ZNF618: variants seen among roughly 807,000 people sequenced by gnomAD.
ZNF618 encodes neural precursor cell expressed, developmentally down-regulated 10.
ZNF618 carries 34 observed loss-of-function variants against 103.0 expected under a neutral mutation model. The ratio of observed to expected loss-of-function variants is 0.33; its 90% CI spans 0.25 to 0.44. ZNF618 has a LOEUF of 0.44. Among genes scored for constraint, ZNF618 ranks in the 20% least tolerant of loss-of-function variants. The probability of loss-of-function intolerance (pLI) is 1.00; values close to 1 mark genes in which losing one functional copy is unlikely to be tolerated. For missense variants in ZNF618, 1,059 were observed against 1,295.4 expected (o/e 0.82, Z 2.80); for synonymous variants, 551 against 542.2 (o/e 1.02, Z -0.23).
Position 114,048,637 on chromosome 9 carries a change from G to T in ZNF618, c.1349-14G>T. ...GCCAGAATTAATCCCATCTGTCTTT[G>T]TGTCCTCTGCCAGCCACTACCAGTG... On this transcript the variant is annotated splice_polypyrimidine_tract_variant and intron_variant, in intron 14 of 14. Transcript: ENST00000374126. 6.2e-7 allele frequency: 1 copy of T among 1,600,108 alleles called. No individual in the cohort carries two copies. The highest frequency in any genetic ancestry group is 1.3e-5 in the African/African-American group (1 of 74,858).
At chr9:114,040,435 C>T (rs1375428488) in intron 13 of ZNF618, among the ~76,000 whole-genome samples, 1 of 151,882 alleles carries the variant, frequency 6.6e-6, no homozygotes, top group Admixed American at 6.6e-5. Flanking sequence ...GTGTGCTGCA[C>T]CCATTAACTC....
rs550497022 is a variant in ZNF618, at chr9:114,053,296, G to A, written c.*3129G>A. Reference sequence around the variant, plus strand: ...CTTCCAGTTCATCTCCTGGTGTCCAGCCTGACCTTCACATCTGGAAGGATT... The same window carrying A: ...CTTCCAGTTCATCTCCTGGTGTCCAACCTGACCTTCACATCTGGAAGGATT... On this transcript the variant is annotated 3_prime_UTR_variant, in exon 15 of 15. Coordinates refer to ENST00000374126, the MANE Select transcript of ZNF618 (RefSeq NM_001318042.2). 1 of 152,392 alleles carries A rather than the reference G, an allele frequency of 6.6e-6. No homozygotes were observed. Among genetic ancestry groups the A allele is most frequent in the Admixed American group, 6.5e-5 (1 of 15,302 alleles). 9.4% of individuals were successfully genotyped at this position (152,392 alleles called of 1,614,324 possible). A position where few individuals can be genotyped will look rare whatever the true frequency, so the allele number is the denominator to read the frequency against.
intron 1 of ZNF618, among the ~76,000 whole-genome samples, chr9:113,963,075 C>T (rs577132230): frequency 6.6e-6 from 1 of 152,282 alleles, no homozygotes; most frequent in East Asian, 1.9e-4. Context: ...GATTCACTGG[C>T]TTTTGGAAAG....
chr9:114,006,647 T>G (rs1390164677), intron 6 of ZNF618, among the ~76,000 whole-genome samples: 1 of 152,168 alleles, frequency 6.6e-6, no homozygotes, highest in Non-Finnish European at 1.5e-5. Context: ...TCCCTCAGTT[T>G]CTAGGGTCAA....
rs1841967177 is a variant in ZNF618, at chr9:114,008,569, C to T, written c.754+15C>T. The T allele has an allele frequency of 1.2e-6, 2 of 1,613,384 alleles. No homozygotes were observed. Among genetic ancestry groups the T allele is most frequent in the Non-Finnish European group, 1.7e-6 (2 of 1,179,694 alleles). On this transcript the variant is annotated intron_variant, in intron 9 of 14. Transcript: ENST00000374126. ...AATCGGGCCAAGTATGCGGGATTCC[C>T]TCTGGGGCCAAGGGCTGGGTGGGGG...
intron 11 of ZNF618, among the ~76,000 whole-genome samples, chr9:114,031,647 G>T (rs1045499638): frequency 1.4e-4 from 22 of 152,190 alleles, no homozygotes; most frequent in African/African-American, 4.3e-4. Context: ...GGTTCTGTGG[G>T]AACCCCTCTT....
intron 1 of ZNF618, among the ~76,000 whole-genome samples, chr9:113,934,667 G>A (rs1015957496): frequency 2.6e-5 from 4 of 152,312 alleles, no homozygotes; most frequent in African/African-American, 4.8e-5. Flanking sequence ...AAATGTACCC[G>A]GTTGGTTATG....
intron 1 of ZNF618, among the ~76,000 whole-genome samples, chr9:113,887,823 T>A (rs1279975429): frequency 2.0e-5 from 3 of 152,218 alleles, no homozygotes; most frequent in Non-Finnish European, 2.9e-5. Context: ...GTGTTGGAAA[T>A]TCAGCTTTAT....
chr9:113,927,168 A>T (rs1181216783), intron 1 of ZNF618, among the ~76,000 whole-genome samples: 1 of 152,214 alleles, frequency 6.6e-6, no homozygotes, highest in Non-Finnish European at 1.5e-5. Flanking sequence ...AGTAGTAGGT[A>T]CAGAGGTAAT....
intron 3 of ZNF618, among the ~76,000 whole-genome samples, chr9:113,995,637 C>T (rs185183717): frequency 6.6e-6 from 1 of 152,182 alleles, no homozygotes; most frequent in Non-Finnish European, 1.5e-5. Context: ...CCAGAAATCA[C>T]ACAGGGGTCT....
chr9:114,030,118 G>A (rs1843877211), intron 11 of ZNF618, among the ~76,000 whole-genome samples: 1 of 152,218 alleles, frequency 6.6e-6, no homozygotes, highest in Non-Finnish European at 1.5e-5. Context: ...TTCATTCGGT[G>A]ACTGACAACC....
intron 4 of ZNF618, among the ~76,000 whole-genome samples, chr9:114,000,145 G>A (rs1841035205): frequency 1.3e-5 from 2 of 152,208 alleles, no homozygotes; most frequent in African/African-American, 4.8e-5. Flanking sequence ...GCTGGTGTTA[G>A]GATGACAGCG....
chr9:113,995,801 T>G (rs1840532840), intron 3 of ZNF618, among the ~76,000 whole-genome samples: 1 of 152,060 alleles, frequency 6.6e-6, no homozygotes. Flanking sequence ...CCGACACCAG[T>G]ATTGTAGGGT....
intron 1 of ZNF618, among the ~76,000 whole-genome samples, chr9:113,939,561 T>C (rs902105769): frequency 1.3e-5 from 2 of 152,152 alleles, no homozygotes; most frequent in African/African-American, 4.8e-5. Context: ...AACATAGATA[T>C]AATTCGCTTA....
At chr9:113,997,224 C>T (rs1009915193) in intron 3 of ZNF618, among the ~76,000 whole-genome samples, 41 of 152,076 alleles carry the variant, frequency 2.7e-4, no homozygotes, top group Non-Finnish European at 8.8e-5. Context: ...CCTCTCACCT[C>T]AGCCTCCCAA....
At chr9:113,896,138 C>T (rs1830021390) in intron 1 of ZNF618, among the ~76,000 whole-genome samples, 1 of 151,884 alleles carries the variant, frequency 6.6e-6, no homozygotes, top group Non-Finnish European at 1.5e-5. Flanking sequence ...TTCTTTCCCC[C>T]TTAAATTTTT....
At chr9:113,935,359 G>C (rs908625893) in intron 1 of ZNF618, among the ~76,000 whole-genome samples, 2 of 152,150 alleles carry the variant, frequency 1.3e-5, no homozygotes, top group Admixed American at 1.3e-4. Flanking sequence ...AGGTAAAGCC[G>C]CAGCTGCCAG....
chr9:113,963,071 C>T (rs1349032785), intron 1 of ZNF618, among the ~76,000 whole-genome samples: 2 of 152,158 alleles, frequency 1.3e-5, no homozygotes, highest in Admixed American at 6.6e-5. Context: ...TGGGGATTCA[C>T]TGGCTTTTGG....
chr9:114,038,257 T>G (rs919102350), intron 13 of ZNF618, among the ~76,000 whole-genome samples: 3 of 152,172 alleles, frequency 2.0e-5, no homozygotes, highest in Non-Finnish European at 2.9e-5. Context: ...GAGCTGTGAT[T>G]AGGGAAGAGC....
Sources: gnomAD v4.1 joint callset for allele counts (sites outside exome capture counted in the v4.1 genomes callset) on GRCh38, gnomAD v4.1.1 for gene constraint, MANE v1.5 for transcripts, NCBI Gene and HGNC (gene_info 2026-07-23, HGNC 2026-07-21) for gene names.